Variants in ZNF462 observed in about 807,000 individuals in gnomAD.
The protein encoded by ZNF462 is zinc finger PBX1-interacting protein.
Under a neutral mutation model 201.9 loss-of-function variants are expected in ZNF462, and 10 were observed. The observed-to-expected ratio is 0.05, with a 90% CI of 0.03 to 0.08. ZNF462 has a LOEUF of 0.08. Ranked by LOEUF, ZNF462 falls within the 10% of genes least tolerant of loss-of-function variation. The pLI is 1.00. For synonymous variants in ZNF462, 1,227 were observed against 1,193.3 expected (o/e 1.03, Z -0.58); for missense variants, 2,523 against 3,168.3 (o/e 0.80, Z 4.89).
rs1294967625 is a variant in ZNF462, at chr9:107,003,441, G to A, written c.7189+15G>A. The A allele has an allele frequency of 6.2e-7, 1 of 1,612,174 alleles. No homozygotes were observed. The highest frequency in any genetic ancestry group is 1.7e-5 in the Admixed American group (1 of 59,838). ...TGAAGACAGAGGTTAGTCTCATCCT[G>A]CCCTCCCAATCCCAGATGGCATCTG... On this transcript the variant is annotated intron_variant, in intron 11 of 12. Coordinates refer to ENST00000277225, the MANE Select transcript of ZNF462 (RefSeq NM_021224.6). The surrounding 1 kb of genome is among the most constrained non-coding windows in gnomAD (Gnocchi z 4.4).
intron 10 of ZNF462, among the ~76,000 whole-genome samples, chr9:106,987,250 T>C (rs1223099109): frequency 6.6e-6 from 1 of 152,198 alleles, no homozygotes; most frequent in East Asian, 1.9e-4. Flanking sequence ...CTGTTTTCCA[T>C]AGTGGCTGTA....
intron 7 of ZNF462, among the ~76,000 whole-genome samples, chr9:106,943,059 C>CGCGCGTGTGTGTGT (rs374167214): frequency 9.1e-5 from 13 of 143,154 alleles, no homozygotes; most frequent in African/African-American, 3.4e-4. Flanking sequence ...TTTGCGCGCG[C>CGCGCGTGTGTGTGT]GTGTGTGTGT....
intron 10 of ZNF462, among the ~76,000 whole-genome samples, chr9:106,987,428 C>T (rs893951536): frequency 3.3e-5 from 5 of 152,140 alleles, no homozygotes; most frequent in African/African-American, 1.2e-4. Context: ...TGATGCTGAG[C>T]ATTTTTCCAT....
In ZNF462 at chr9:106,905,206, G is replaced by T. The variant is rs1829218168; in HGVS notation, c.-30-18148G>T. On this transcript the variant is annotated intron_variant, in intron 1 of 12. Coordinates refer to ENST00000277225, the MANE Select transcript of ZNF462 (RefSeq NM_021224.6). The surrounding 1 kb of genome is among the most constrained non-coding windows in gnomAD (Gnocchi z 5.9). ...GATTGTTATCTCTCTTCTGGGTCTAGCTACCCAGCGAGTCCACCCAGCAAC... is the reference window on the plus strand; with the variant it reads ...GATTGTTATCTCTCTTCTGGGTCTATCTACCCAGCGAGTCCACCCAGCAAC... Among the ~76,000 whole-genome samples the T allele has an allele frequency of 6.6e-6, 1 of 152,106 alleles. No homozygotes were observed. The highest frequency in any genetic ancestry group is 1.5e-5 in the Non-Finnish European group (1 of 68,016).
chr9:106,971,945 A>C (rs1335024154), intron 7 of ZNF462, 60 bp from the exon 8 acceptor site: 46 of 1,543,034 alleles, frequency 3.0e-5, no homozygotes, highest in Non-Finnish European at 3.7e-5. Context: ...AGGGGTTTTC[A>C]AGCATCGATC....
rs374648547 is a variant in ZNF462, at chr9:106,866,548, C to T, written c.-31+3193C>T. ...GACAAAAATGTATGGTTTCAGTTGA[C>T]GTGTATGCTTATTTAAAAATACTTC... On this transcript the variant is annotated intron_variant, in intron 1 of 12. Coordinates refer to ENST00000277225, the MANE Select transcript of ZNF462 (RefSeq NM_021224.6). 2.1e-4 allele frequency among the ~76,000 whole-genome samples: 32 copies of T among 152,148 alleles called. No individual in the cohort carries two copies. In the East Asian group the frequency reaches 4.4e-3, roughly 21 times the overall value.
In ZNF462 at chr9:106,930,534, C is replaced by T. The variant is rs957737191; in HGVS notation, c.5857C>T (p.His1953Tyr). The change falls in exon 4 of 13, where the codon CAC becomes TAC. Residue 1953 changes from histidine to tyrosine, a missense_variant. His to Tyr is a moderately conservative substitution (Grantham distance 83). This residue lies in a region of ZNF462 where 107 missense variants were observed against 187.7 expected (regional missense o/e 0.57). Coordinates refer to ENST00000277225, the MANE Select transcript of ZNF462 (RefSeq NM_021224.6). The surrounding 1 kb of genome is among the most constrained non-coding windows in gnomAD (Gnocchi z 5.8). ...CACTGTATTTTACCAGCCTTTTGGT[C>T]ACTTAGAAGAGGTGCCAAAGATCAA... ...ADFKQERPFG[H>Y]LEEVPKIKER... The T allele has an allele frequency of 1.2e-6, 2 of 1,613,970 alleles. No individual in the cohort carries two copies. The highest frequency in any genetic ancestry group is 2.2e-5 in the South Asian group (2 of 91,012).
chr9:107,007,915 A>G (rs1829673232), intron 11 of ZNF462, among the ~76,000 whole-genome samples: 2 of 152,102 alleles, frequency 1.3e-5, no homozygotes, highest in African/African-American at 4.8e-5. Context: ...TACCAGGAAC[A>G]TTATTCCTCT....
intron 11 of ZNF462, among the ~76,000 whole-genome samples, chr9:107,004,034 T>G (rs1829379987): frequency 6.6e-6 from 1 of 152,194 alleles, no homozygotes; most frequent in Admixed American, 6.5e-5. Flanking sequence ...TTTTTCTAAC[T>G]TCCTGTGAGT....
At position 106,925,951 on chromosome 9, in the gene ZNF462, C is replaced by T. The variant is rs762217733; in HGVS notation, c.2039C>T (p.Ala680Val). 1.2e-6 allele frequency: 2 copies of T among 1,614,114 alleles called. No individual in the cohort carries two copies. The highest frequency in any genetic ancestry group is 1.7e-6 in the Non-Finnish European group (2 of 1,180,022). Reference sequence around the variant, plus strand: ...GTAGCTAAAGCCTCTAGGAAGCTCGCCAATGACTTTCCTCTAGATTTGTCA... The same window carrying T: ...GTAGCTAAAGCCTCTAGGAAGCTCGTCAATGACTTTCCTCTAGATTTGTCA... ...NFVAKASRKL[A>V]NDFPLDLSPV... The change falls in exon 3 of 13, where the codon GCC becomes GTC. Residue 680 changes from alanine to valine, a missense_variant. Transcript: ENST00000277225. This position sits in a 1 kb window ranked among gnomAD's most constrained non-coding sequence, Gnocchi z 7.9.
rs1369543279 is a variant in ZNF462 at position 106,870,284 on chromosome 9, T to A, written c.-31+6929T>A. ...CTAGCTGGAGACATTTTTTCTTGAG[T>A]TATTCTTGGAGGGAAGGTTTTTTTT... On this transcript the variant is annotated intron_variant, in intron 1 of 12. Coordinates refer to ENST00000277225, the MANE Select transcript of ZNF462 (RefSeq NM_021224.6). The surrounding 1 kb of genome is among the most constrained non-coding windows in gnomAD (Gnocchi z 4.3). Among the ~76,000 whole-genome samples, 3 of 152,144 alleles carry A rather than the reference T, an allele frequency of 2.0e-5. No homozygotes were observed. The highest frequency in any genetic ancestry group is 7.2e-5 in the African/African-American group (3 of 41,420).
chr9:106,986,515 T>G (rs1322241915), intron 10 of ZNF462, among the ~76,000 whole-genome samples: 5 of 152,196 alleles, frequency 3.3e-5, no homozygotes, highest in Non-Finnish European at 5.9e-5. Flanking sequence ...TGTTCAAATA[T>G]AATAATAGAT....
chr9:106,998,919 A>G (rs979921112), intron 10 of ZNF462, among the ~76,000 whole-genome samples: 2 of 152,036 alleles, frequency 1.3e-5, no homozygotes, highest in African/African-American at 4.8e-5. Context: ...CTCATCTCAC[A>G]TTCTCATTAG....
rs1827465812 is a variant in ZNF462 at position 106,981,942 on chromosome 9, A to G, written c.6833-2244A>G. On this transcript the variant is annotated intron_variant, in intron 9 of 12. Transcript: ENST00000277225. The surrounding 1 kb of genome is among the most constrained non-coding windows in gnomAD (Gnocchi z 4.0). Reference sequence around the variant, plus strand: ...AAAGCCAAAGAATGAAAGTAGAAACAGTAGAGATGATAACATATAAATGAG... The same window carrying G: ...AAAGCCAAAGAATGAAAGTAGAAACGGTAGAGATGATAACATATAAATGAG... Among the ~76,000 whole-genome samples the G allele has an allele frequency of 1.3e-5, 2 of 152,218 alleles. No homozygotes were observed.
Position 106,863,340 on chromosome 9 carries a change from C to T in ZNF462, c.-46C>T, listed in dbSNP as rs1238029759. On this transcript the variant is annotated 5_prime_UTR_variant, in exon 1 of 13. Transcript: ENST00000277225. Reference sequence around the variant, plus strand: ...GGAGAACCCGAAGCACCTCCCGGCGCCGGGACGCTTCTTCTGTAAGTTACT... The same window carrying T: ...GGAGAACCCGAAGCACCTCCCGGCGTCGGGACGCTTCTTCTGTAAGTTACT... 3 of 397,542 alleles carry T rather than the reference C, an allele frequency of 7.5e-6. No individual in the cohort carries two copies. Among genetic ancestry groups the T allele is most frequent in the African/African-American group, 2.1e-5 (1 of 48,694 alleles). The allele number at this position is 397,542 out of a possible 1,614,324, so 24.6% of individuals were successfully genotyped here. A position where few individuals can be genotyped will look rare whatever the true frequency, so the allele number is the denominator to read the frequency against.
chr9:106,929,425 C>T lies in ZNF462; in HGVS notation c.5513C>T (p.Ala1838Val), dbSNP rs141237115. The T allele has an allele frequency of 3.1e-6, 5 of 1,613,964 alleles. No homozygotes were observed. The African/African-American group carries it at 5.3e-5, about 17-fold the overall frequency. The change falls in exon 3 of 13, where the codon GCT becomes GTT. Residue 1838 changes from alanine (A) to valine (V), a missense_variant. This residue lies in a region of ZNF462 where 207 missense variants were observed against 231.6 expected (regional missense o/e 0.89). Coordinates refer to ENST00000277225, the MANE Select transcript of ZNF462 (RefSeq NM_021224.6). The surrounding 1 kb of genome is among the most constrained non-coding windows in gnomAD (Gnocchi z 8.7). ...NFEKAEVEGEAQEIEWLPFRC... is the reference protein window; with the variant it reads ...NFEKAEVEGEVQEIEWLPFRC... ...GAGAAAGCCGAGGTGGAGGGTGAAG[C>T]TCAGGAAATCGAGTGGCTCCCATTC...
At position 106,880,653 on chromosome 9, in the gene ZNF462, G is replaced by C. The variant is rs1828051430; in HGVS notation, c.-31+17298G>C. ...GTTGTTGGGATATATTTTTATTAAT[G>C]GTTTAAGTTGGGCCTTTTATAACTG... On this transcript the variant is annotated intron_variant, in intron 1 of 12. Transcript: ENST00000277225. The surrounding 1 kb of genome is among the most constrained non-coding windows in gnomAD (Gnocchi z 4.1). Among the ~76,000 whole-genome samples the C allele has an allele frequency of 6.6e-6, 1 of 152,144 alleles. No homozygotes were observed. Among genetic ancestry groups the C allele is most frequent in the African/African-American group, 2.4e-5 (1 of 41,420 alleles).
rs1826849006 is a variant in ZNF462, at chr9:106,974,477, G to A, written c.6832+204G>A. ...CTGGGAGTATTTCCTCCACCTGGAG[G>A]GAGGCAAAGGTGATGGATTCTGCAG... On this transcript the variant is annotated intron_variant, in intron 9 of 12. Coordinates refer to ENST00000277225, the MANE Select transcript of ZNF462 (RefSeq NM_021224.6). The surrounding 1 kb of genome is among the most constrained non-coding windows in gnomAD (Gnocchi z 4.0). 3 of 709,440 alleles carry A rather than the reference G, an allele frequency of 4.2e-6. No individual in the cohort carries two copies. Among genetic ancestry groups the A allele is most frequent in the Admixed American group, 2.3e-5 (1 of 43,366 alleles). 43.9% of individuals were successfully genotyped at this position (709,440 alleles called of 1,614,324 possible).
intron 1 of ZNF462, among the ~76,000 whole-genome samples, chr9:106,910,371 T>TTTG (rs1564091860): frequency 7.5e-5 from 10 of 132,806 alleles, no homozygotes; most frequent in African/African-American, 3.3e-4. Context: ...AGTTTTTTTT[T>TTTG]TTTTTTTTTT....
Sources: allele counts gnomAD v4.1 joint callset (sites outside exome capture counted in the v4.1 genomes callset), GRCh38; gene constraint gnomAD v4.1.1; regional missense constraint gnomAD v4.1.1; non-coding constraint Gnocchi (gnomAD v3.1); transcripts MANE v1.5; gene names NCBI Gene and HGNC (gene_info 2026-07-23, HGNC 2026-07-21).